The following FSIP2 variants were observed in gnomAD, a reference collection of about 807,000 sequenced individuals.
The protein encoded by FSIP2 is fibrous sheath-interacting protein 2.
A neutral mutation model predicts 510.5 loss-of-function variants in FSIP2; 367 were observed. The ratio of observed to expected loss-of-function variants is 0.72; its 90% CI spans 0.66 to 0.78. The LOEUF (loss-of-function observed/expected upper bound fraction) is 0.78, where lower values mean the gene tolerates loss of function less well. Ranked by LOEUF, FSIP2 falls within the 30% of genes least tolerant of loss-of-function variation. The pLI, the probability that FSIP2 is intolerant of heterozygous loss-of-function variation, is 0.00. For missense variants in FSIP2, 7,594 were observed against 7,901.7 expected, an observed-to-expected ratio of 0.96 and a Z score of 1.48; for synonymous variants, 2,601 against 2,732.2, an observed-to-expected ratio of 0.95 and a Z score of 1.50.
In FSIP2 at chr2:185,793,495, G is replaced by C. The variant is rs141668297; in HGVS notation, c.6359G>C (p.Cys2120Ser). The change falls in exon 16 of 23, where the codon TGT becomes TCT. Residue 2120 changes from cysteine (C) to serine (S), a missense_variant. Physicochemically the swap from Cys to Ser is moderately radical, Grantham distance 112. Transcript: ENST00000424728. ...NLSFATPTLK[C>S]SIADKHSEEN... ...TCATTTGCCACACCCACTCTGAAAT[G>C]TAGCATAGCTGATAAACATTCAGAA... 1 of 1,534,434 alleles carries C rather than the reference G, an allele frequency of 6.5e-7. No individual in the cohort carries two copies. The highest frequency in any genetic ancestry group is 2.4e-5 in the East Asian group (1 of 40,842).
At chr2:185,757,368 A>T (rs1692264170) in intron 9 of FSIP2, among the ~76,000 whole-genome samples, 1 of 149,820 alleles carries the variant, frequency 6.7e-6, no homozygotes, top group African/African-American at 2.5e-5. Context: ...AATTTAATTA[A>T]ACATGGTTGG....
chr2:185,789,650 G>A lies in FSIP2; in HGVS notation c.2514G>A (p.Lys838=), dbSNP rs866031469. 14 of 1,534,054 alleles carry A rather than the reference G, an allele frequency of 9.1e-6. No individual in the cohort carries two copies. In the Middle Eastern group the frequency reaches 1.2e-3, roughly 128 times the overall value. The change falls in exon 16 of 23, where the codon AAG becomes AAA. Residue 838 remains lysine, a synonymous_variant. Coordinates refer to ENST00000424728, the MANE Select transcript of FSIP2 (RefSeq NM_173651.4). ...LEKLMTLVSF[K]QNEFLHLKDT... ...AGCTAATGACTCTTGTTTCTTTTAAGCAAAATGAATTTCTTCATCTTAAAG... is the reference window on the plus strand; with the variant it reads ...AGCTAATGACTCTTGTTTCTTTTAAACAAAATGAATTTCTTCATCTTAAAG...
chr2:185,790,778 A>C lies in FSIP2; in HGVS notation c.3642A>C (p.Ala1214=), dbSNP rs535287598. 1.4e-5 allele frequency: 22 copies of C among 1,532,380 alleles called. No individual in the cohort carries two copies. The African/African-American group carries it at 2.2e-4, about 15-fold the overall frequency. The allele number at this position is 1,532,380 out of a possible 1,614,324, so 94.9% of individuals were successfully genotyped here. The change falls in exon 16 of 23, where the codon GCA becomes GCC. Residue 1214 remains alanine (A), a synonymous_variant. Coordinates refer to ENST00000424728, the MANE Select transcript of FSIP2 (RefSeq NM_173651.4). Reference sequence around the variant, plus strand: ...ACACTGAACACATAGTCAAAGAAGCACCAAATAAATACCCATTAAAAACAT... The same window carrying C: ...ACACTGAACACATAGTCAAAGAAGCCCCAAATAAATACCCATTAAAAACAT... ...NSDTEHIVKE[A]PNKYPLKTWF...
At chr2:185,786,845 A>G (rs1692998003) in intron 15 of FSIP2, among the ~76,000 whole-genome samples, 1 of 151,936 alleles carries the variant, frequency 6.6e-6, no homozygotes, top group Non-Finnish European at 1.5e-5. Flanking sequence ...GCTATTTAAC[A>G]TGGAAACTTG....
intron 14 of FSIP2, among the ~76,000 whole-genome samples, chr2:185,784,390 G>C (rs183978466): frequency 6.6e-6 from 1 of 152,100 alleles, no homozygotes; most frequent in East Asian, 1.9e-4. Flanking sequence ...GGTTTTTAGT[G>C]GGGGTGTAAT....
intron 8 of FSIP2, among the ~76,000 whole-genome samples, chr2:185,755,029 C>T (rs1692216528): frequency 6.6e-6 from 1 of 151,402 alleles, no homozygotes; most frequent in African/African-American, 2.4e-5. Flanking sequence ...TCTCTGTATC[C>T]AATTTTTCTC....
Position 185,756,248 on chromosome 2 carries a change from G to A in FSIP2, c.1048G>A (p.Gly350Arg). Residue 350 changes from glycine (G) to arginine (R), a missense_variant, in exon 9 of 23, where the codon GGA becomes AGA. Transcript: ENST00000424728. The stretch of plus-strand genomic sequence containing the variant: ...AGATATAATGTTAGTTTATCCTGCT[G>A]GAGACCAGAATACATATAAAGAAAC... ...SEDIMLVYPA[G>R]DQNTYKETHG... 7.5e-7 allele frequency: 1 copy of A among 1,334,526 alleles called. No homozygotes were observed. The highest frequency in any genetic ancestry group is 1.0e-6 in the Non-Finnish European group (1 of 983,346). 82.7% of individuals were successfully genotyped at this position (1,334,526 alleles called of 1,614,324 possible).
intron 2 of FSIP2, among the ~76,000 whole-genome samples, chr2:185,742,686 TTTG>T (rs1222381504): frequency 2.0e-5 from 3 of 152,212 alleles, no homozygotes; most frequent in Non-Finnish European, 2.9e-5. Flanking sequence ...GATGAAACAT[TTTG>T]TTATTTTTGT....
At chr2:185,830,143 A>C (rs1694081112) in intron 21 of FSIP2, among the ~76,000 whole-genome samples, 1 of 151,860 alleles carries the variant, frequency 6.6e-6, no homozygotes, top group Non-Finnish European at 1.5e-5. Context: ...AAACAAACAA[A>C]CGAAAAAAAT....
In FSIP2 at chr2:185,824,426, T is replaced by G; in HGVS notation, c.20427-8T>G. The stretch of plus-strand genomic sequence containing the variant: ...ACCCTAAATGATGTTCTTTTTCTTT[T>G]GTTTTAGTGAGGCTGAAGATTGTCA... On this transcript the variant is annotated splice_polypyrimidine_tract_variant and splice_region_variant and intron_variant, in intron 19 of 22. Coordinates refer to ENST00000424728, the MANE Select transcript of FSIP2 (RefSeq NM_173651.4). 4.4e-6 allele frequency: 7 copies of G among 1,578,480 alleles called. No individual in the cohort carries two copies. The highest frequency in any genetic ancestry group is 6.0e-6 in the Non-Finnish European group (7 of 1,157,984).
At chr2:185,811,951 C>A (rs1693740684) in intron 17 of FSIP2, among the ~76,000 whole-genome samples, 1 of 152,110 alleles carries the variant, frequency 6.6e-6, no homozygotes, top group Non-Finnish European at 1.5e-5. Flanking sequence ...CAGGCAGAAG[C>A]CTGCTGCAGG....
Position 185,822,885 on chromosome 2 carries a change from C to T in FSIP2, c.20427-1549C>T, listed in dbSNP as rs1047418182. Among the ~76,000 whole-genome samples the T allele has an allele frequency of 2.6e-5, 4 of 151,812 alleles. No homozygotes were observed. The South Asian group carries it at 8.3e-4, about 31-fold the overall frequency. ...TAAAGCAAAGACATGGAATAAAGAG[C>T]CCAGAGATAAACTCTTCCATACATG... is the stretch of plus-strand genomic sequence containing the variant. On this transcript the variant is annotated intron_variant, in intron 19 of 22. Coordinates refer to ENST00000424728, the MANE Select transcript of FSIP2 (RefSeq NM_173651.4).
chr2:185,767,901 GA>G (rs762750337), intron 13 of FSIP2, among the ~76,000 whole-genome samples: 13 of 152,208 alleles, frequency 8.5e-5, no homozygotes, highest in Non-Finnish European at 1.9e-4. Flanking sequence ...CCCAGAAGTT[GA>G]ATTGCTAGAT....
chr2:185,739,033 C>T, intron 1 of FSIP2, 40 bp downstream of exon 1: 2 of 1,517,066 alleles, frequency 1.3e-6, no homozygotes, highest in African/African-American at 1.4e-5. Flanking sequence ...CCTCTGGCGG[C>T]CGCAGGCCTG....
intron 13 of FSIP2, 52 bp downstream of exon 13, chr2:185,764,617 C>T (rs995739972): frequency 6.1e-5 from 76 of 1,254,520 alleles, no homozygotes; most frequent in Non-Finnish European, 7.1e-5. Context: ...TTTATTCTTT[C>T]AACTGACATT....
intron 19 of FSIP2, among the ~76,000 whole-genome samples, chr2:185,818,336 A>G (rs1439496948): frequency 6.6e-6 from 1 of 151,916 alleles, no homozygotes; most frequent in Non-Finnish European, 1.5e-5. Context: ...GATTTTTGAA[A>G]CACCATCAGG....
At chr2:185,739,164 C>G (rs543709615) in intron 1 of FSIP2, 171 bp downstream of exon 1, 1 of 1,152,154 alleles carries the variant, frequency 8.7e-7, no homozygotes, top group Non-Finnish European at 1.2e-6. Flanking sequence ...GTACCGGCCG[C>G]AACTGGCAGG....
rs532563665 is a variant in FSIP2 at position 185,806,216 on chromosome 2, A to C, written c.16910A>C (p.Asn5637Thr). 6.2e-7 allele frequency: 1 copy of C among 1,605,956 alleles called. No homozygotes were observed. The highest frequency in any genetic ancestry group is 1.3e-5 in the African/African-American group (1 of 74,514). ...FQLSSLKSKRNLGTTTDTLEI... is the reference protein window; with the variant it reads ...FQLSSLKSKRTLGTTTDTLEI... ...TTATCCTCCTTGAAGTCCAAGAGAAATCTAGGGACTACAACAGATACTTTG... is the reference window on the plus strand; with the variant it reads ...TTATCCTCCTTGAAGTCCAAGAGAACTCTAGGGACTACAACAGATACTTTG... The change falls in exon 17 of 23, where the codon AAT (asparagine) becomes ACT (threonine). Residue 5637 changes from asparagine to threonine, a missense_variant. Coordinates refer to ENST00000424728, the MANE Select transcript of FSIP2 (RefSeq NM_173651.4).
At chr2:185,742,792 T>A (rs1544709) in intron 2 of FSIP2, among the ~76,000 whole-genome samples, 79,509 of 148,888 alleles carry the variant, frequency 0.53, 21,110 homozygotes, top group South Asian at 0.64. Context: ...GAGAAGGAAA[T>A]GAGAGAATCC....
Sources: allele counts gnomAD v4.1 joint callset (sites outside exome capture counted in the v4.1 genomes callset), GRCh38; gene constraint gnomAD v4.1.1; transcripts MANE v1.5; gene names NCBI Gene and HGNC (gene_info 2026-07-23, HGNC 2026-07-21).